KDELR1: variants seen among roughly 807,000 people sequenced by gnomAD.
KDELR1 encodes the protein KDEL endoplasmic reticulum protein retention receptor 1, also known as ER lumen protein-retaining receptor 1.
In KDELR1, 16 loss-of-function variants were observed where a neutral mutation model predicts 25.5. That is an observed-to-expected ratio of 0.63 (90% confidence interval 0.43 to 0.95). The LOEUF is 0.95. KDELR1 is among the 40% of genes least tolerant of loss of function. KDELR1 has a pLI of 0.00. For synonymous variants in KDELR1, 121 were observed against 115.0 expected, an observed-to-expected ratio of 1.05 and a Z score of -0.33; for missense variants, 159 against 265.2, an observed-to-expected ratio of 0.60 and a Z score of 2.78.
intron 3 of KDELR1, among the ~76,000 whole-genome samples, chr19:48,385,374 C>G (rs1970487342): frequency 6.6e-6 from 1 of 152,198 alleles, no homozygotes; most frequent in Non-Finnish European, 1.5e-5. Flanking sequence ...TATCTCCTTC[C>G]TGGCCACTCG....
At chr19:48,383,936 C>T (rs1044202355) in intron 4 of KDELR1, among the ~76,000 whole-genome samples, 1 of 152,164 alleles carries the variant, frequency 6.6e-6, no homozygotes, top group Non-Finnish European at 1.5e-5. Flanking sequence ...AGAAAGTACT[C>T]AATACATTTG....
chr19:48,390,537 G>C lies in KDELR1; in HGVS notation c.92-13C>G, dbSNP rs763298412. On this transcript the variant is annotated splice_polypyrimidine_tract_variant and intron_variant, in intron 1 of 4. Transcript: ENST00000330720. The stretch of plus-strand genomic sequence containing the variant: ...TTCCCTGAAATTCCTGTGGTCCAGA[G>C]ACAGAGAAAGAGAGAGAGAGAGAGA... 5.1e-6 allele frequency: 8 copies of C among 1,574,986 alleles called. No homozygotes were observed. The highest frequency in any genetic ancestry group is 6.1e-6 in the Non-Finnish European group (7 of 1,145,474).
At chr19:48,383,662 T>A (rs1417630911) in intron 4 of KDELR1, among the ~76,000 whole-genome samples, 1 of 152,122 alleles carries the variant, frequency 6.6e-6, no homozygotes, top group African/African-American at 2.4e-5. Context: ...TGCACCACCA[T>A]GCCCAGCTAA....
upstream of KDELR1, chr19:48,391,677 C>A (rs1213576594): frequency 2.5e-6 from 1 of 398,906 alleles, no homozygotes; most frequent in Non-Finnish European, 4.7e-6. Context: ...AACGCACCCC[C>A]AAAGCTGCCC....
At chr19:48,390,601 CAGA>C (rs1484596782) in intron 1 of KDELR1, 77 bp from the exon 2 acceptor site, 9 of 1,092,790 alleles carry the variant, frequency 8.2e-6, no homozygotes, top group African/African-American at 1.6e-5. Context: ...GACAGACAGA[CAGA>C]AGGAGAGAGG....
chr19:48,394,568 C>T (rs1372869559), upstream of KDELR1, among the ~76,000 whole-genome samples: 1 of 149,012 alleles, frequency 6.7e-6, no homozygotes. This position sits in a 1 kb window ranked among gnomAD's most constrained non-coding sequence, Gnocchi z 5.1. Context: ...AGGGGGGCAC[C>T]CCGGGTGGGC....
upstream of KDELR1, among the ~76,000 whole-genome samples, chr19:48,393,274 T>C (rs1970583805): frequency 6.6e-6 from 1 of 152,012 alleles, no homozygotes; most frequent in South Asian, 2.1e-4. The surrounding 1 kb of genome is among the most constrained non-coding windows in gnomAD (Gnocchi z 5.6). Flanking sequence ...GGTCGAGACC[T>C]GGTTTTCAGG....
upstream of KDELR1, chr19:48,394,857 C>T (rs181253715): frequency 5.2e-3 from 800 of 154,254 alleles, 5 homozygotes; most frequent in Non-Finnish European, 7.6e-3. This position sits in a 1 kb window ranked among gnomAD's most constrained non-coding sequence, Gnocchi z 5.1. Flanking sequence ...GAGCCCTCCT[C>T]GGAATCTTGG....
chr19:48,384,493 G>A lies in KDELR1; in HGVS notation c.352-11C>T, dbSNP rs1325583493. ...GAAGGTCCAGAGGATCTGCAGAGAG[G>A]CCGGGGACATGATGAGGTGGGAGGG... is the stretch of plus-strand genomic sequence containing the variant. On this transcript the variant is annotated splice_polypyrimidine_tract_variant and intron_variant, in intron 3 of 4. Transcript: ENST00000330720. The surrounding 1 kb of genome is among the most constrained non-coding windows in gnomAD (Gnocchi z 4.6). 6.2e-7 allele frequency: 1 copy of A among 1,609,542 alleles called. No individual in the cohort carries two copies. Among genetic ancestry groups the A allele is most frequent in the African/African-American group, 1.3e-5 (1 of 74,870 alleles).
At chr19:48,391,118 G>A (rs1481503496) in intron 1 of KDELR1, 150 bp downstream of exon 1, 3 of 708,532 alleles carry the variant, frequency 4.2e-6, no homozygotes, top group Non-Finnish European at 4.9e-6. Flanking sequence ...CTGATCCCCT[G>A]GAGACCCAGA....
At position 48,384,308 on chromosome 19, in the gene KDELR1, A is replaced by C; in HGVS notation, c.526T>G (p.Phe176Val). The C allele has an allele frequency of 6.2e-7, 1 of 1,614,256 alleles. No homozygotes were observed. The highest frequency in any genetic ancestry group is 8.5e-7 in the Non-Finnish European group (1 of 1,180,048). The stretch of plus-strand genomic sequence containing the variant: ...CCTGCCACAATGGCGATGAGGTCGA[A>C]GAAGCCCTCGAAATGGTAGCGCCAG... ...WIWRYHFEGF[F>V]DLIAIVAGLV... The change falls in exon 4 of 5, where the codon TTC becomes GTC. Residue 176 changes from phenylalanine to valine, a missense_variant. Coordinates refer to ENST00000330720, the MANE Select transcript of KDELR1 (RefSeq NM_006801.3). The surrounding 1 kb of genome is among the most constrained non-coding windows in gnomAD (Gnocchi z 4.6).
upstream of KDELR1, among the ~76,000 whole-genome samples, chr19:48,393,868 G>A (rs560770144): frequency 1.3e-5 from 2 of 152,104 alleles, no homozygotes; most frequent in East Asian, 1.9e-4. This position sits in a 1 kb window ranked among gnomAD's most constrained non-coding sequence, Gnocchi z 5.6. Flanking sequence ...CCATCTGCCC[G>A]GTGAGGATCT....
chr19:48,396,112 T>C (rs2147431232), upstream of KDELR1, among the ~76,000 whole-genome samples: 1 of 152,152 alleles, frequency 6.6e-6, no homozygotes, highest in East Asian at 1.9e-4. Flanking sequence ...GAGATGAGTG[T>C]TGGGGACTTT....
chr19:48,384,236 T>C lies in KDELR1; in HGVS notation c.598A>G (p.Thr200Ala). The C allele has an allele frequency of 1.2e-6, 2 of 1,613,476 alleles. No homozygotes were observed. The highest frequency in any genetic ancestry group is 1.7e-6 in the Non-Finnish European group (2 of 1,179,670). Residue 200 changes from threonine to alanine, a missense_variant, in exon 4 of 5, where the codon ACC (threonine) becomes GCC (alanine). Physicochemically the swap from Thr to Ala is moderately conservative, Grantham distance 58 (BLOSUM62 0). Coordinates refer to ENST00000330720, the MANE Select transcript of KDELR1 (RefSeq NM_006801.3). This position sits in a 1 kb window ranked among gnomAD's most constrained non-coding sequence, Gnocchi z 4.6. The stretch of plus-strand genomic sequence containing the variant: ...CGTCCCACATTCCAGCTACCTTTGG[T>C]GATATAGAGGTAGAAGAAATCGCAG... ...LYCDFFYLYI[T>A]KVLKGKKLSL... is the part of the protein sequence containing the mutation.
chr19:48,391,403 G>A lies in KDELR1; in HGVS notation c.-45C>T, dbSNP rs1412780816. On this transcript the variant is annotated 5_prime_UTR_variant, in exon 1 of 5. Coordinates refer to ENST00000330720, the MANE Select transcript of KDELR1 (RefSeq NM_006801.3). The stretch of plus-strand genomic sequence containing the variant: ...GGCTGAGCGGGAGGGAGGCAGGCTG[G>A]CGGGGGGGTGCCCCCCGAGGCTGCT... The A allele has an allele frequency of 1.3e-6, 2 of 1,483,396 alleles. No homozygotes were observed. The highest frequency in any genetic ancestry group is 1.4e-5 in the African/African-American group (1 of 71,760). 91.9% of individuals were successfully genotyped at this position (1,483,396 alleles called of 1,614,324 possible).
chr19:48,395,543 C>T (rs1970629156), upstream of KDELR1, among the ~76,000 whole-genome samples: 1 of 151,942 alleles, frequency 6.6e-6, no homozygotes, highest in African/African-American at 2.4e-5. Context: ...ATGCCGTCTG[C>T]AGCACAACTC....
intron 3 of KDELR1, among the ~76,000 whole-genome samples, chr19:48,387,318 C>G (rs1167513893): frequency 1.3e-5 from 2 of 152,146 alleles, no homozygotes; most frequent in African/African-American, 4.8e-5. Context: ...CAGCCTCCCT[C>G]TGATATCTCT....
intron 1 of KDELR1, 41 bp from the exon 2 acceptor site, chr19:48,390,565 G>GAC: frequency 2.7e-6 from 2 of 745,402 alleles, no homozygotes; most frequent in East Asian, 3.4e-5. Flanking sequence ...GAGAGAGACA[G>GAC]AGAGAGAGAG....
At chr19:48,395,562 G>T (rs141529782), upstream of KDELR1, among the ~76,000 whole-genome samples, 4 of 151,994 alleles carry the variant, frequency 2.6e-5, no homozygotes, top group Admixed American at 6.6e-5. Context: ...TCGAGGTTGT[G>T]GGGGGAGCTG....
Sources: allele counts gnomAD v4.1 joint callset (sites outside exome capture counted in the v4.1 genomes callset), GRCh38; gene constraint gnomAD v4.1.1; non-coding constraint Gnocchi (gnomAD v3.1); transcripts MANE v1.5; gene names NCBI Gene and HGNC (gene_info 2026-07-23, HGNC 2026-07-21).